The following HTR1E variants were observed in gnomAD, a reference collection of about 807,000 sequenced individuals.
HTR1E encodes 5-hydroxytryptamine receptor 1E, also known as 5-HT-1E.
A neutral mutation model predicts 3.4 loss-of-function variants in HTR1E; 3 were observed. That is an observed-to-expected ratio of 0.89 (90% CI 0.41 to 2.31). The LOEUF (loss-of-function observed/expected upper bound fraction) is 2.31, where lower values mean the gene tolerates loss of function less well. HTR1E is among the 30% of genes most tolerant of loss of function. HTR1E has a pLI of 0.05. For missense variants in HTR1E, 392 were observed against 467.0 expected (o/e 0.84, Z 1.48); for synonymous variants, 170 against 182.8 (o/e 0.93, Z 0.56).
intron 1 of HTR1E, among the ~76,000 whole-genome samples, chr6:87,005,678 G>GAATA (rs1768092765): frequency 6.6e-6 from 1 of 152,122 alleles, no homozygotes; most frequent in Non-Finnish European, 1.5e-5. Flanking sequence ...ACATTAGTCT[G>GAATA]GACAAAGATT....
chr6:87,005,548 A>G (rs1478495008), intron 1 of HTR1E, among the ~76,000 whole-genome samples: 1 of 152,214 alleles, frequency 6.6e-6, no homozygotes, highest in Non-Finnish European at 1.5e-5. Flanking sequence ...ATGCAGAAGA[A>G]TGAAATAGAC....
intron 1 of HTR1E, among the ~76,000 whole-genome samples, chr6:86,967,771 G>A (rs868711168): frequency 2.0e-5 from 3 of 152,084 alleles, no homozygotes; most frequent in African/African-American, 7.2e-5. Context: ...ATTACGAAGT[G>A]TTTTATAAAC....
chr6:86,939,228 C>T (rs1474490905), intron 1 of HTR1E, among the ~76,000 whole-genome samples: 1 of 152,178 alleles, frequency 6.6e-6, no homozygotes, highest in Non-Finnish European at 1.5e-5. Context: ...GAGCTTTAGC[C>T]TCCAGCCCAC....
chr6:87,003,054 A>G (rs1014289314), intron 1 of HTR1E, among the ~76,000 whole-genome samples: 1 of 152,210 alleles, frequency 6.6e-6, no homozygotes, highest in African/African-American at 2.4e-5. Context: ...ATCATTCTCA[A>G]GGATAGACCA....
chr6:86,976,969 C>A (rs1243967778), intron 1 of HTR1E, among the ~76,000 whole-genome samples: 1 of 152,164 alleles, frequency 6.6e-6, no homozygotes, highest in Non-Finnish European at 1.5e-5. Flanking sequence ...AATATCACTT[C>A]TTAGAACAAT....
At chr6:86,946,119 C>T (rs955286506) in intron 1 of HTR1E, among the ~76,000 whole-genome samples, 1 of 152,080 alleles carries the variant, frequency 6.6e-6, no homozygotes, top group African/African-American at 2.4e-5. Context: ...ATGGTTTTTA[C>T]AAATTAGGTA....
chr6:86,977,694 T>C (rs1044073268), intron 1 of HTR1E, among the ~76,000 whole-genome samples: 1 of 152,136 alleles, frequency 6.6e-6, no homozygotes. Context: ...GCATATGTTG[T>C]TTTTTGACTT....
intron 1 of HTR1E, among the ~76,000 whole-genome samples, chr6:86,968,376 G>A (rs984041109): frequency 2.0e-5 from 3 of 152,148 alleles, no homozygotes; most frequent in Non-Finnish European, 4.4e-5. Flanking sequence ...TTGGTAATTT[G>A]GTAGTTGCTG....
chr6:87,002,988 T>C (rs1202637562), intron 1 of HTR1E, among the ~76,000 whole-genome samples: 2 of 152,196 alleles, frequency 1.3e-5, no homozygotes, highest in African/African-American at 4.8e-5. Flanking sequence ...AATAGATATT[T>C]ACAGCACATT....
In HTR1E at chr6:86,966,386, A is replaced by G. The variant is rs140418474; in HGVS notation, c.-186+28563A>G. On this transcript the variant is annotated intron_variant, in intron 1 of 1. Transcript: ENST00000305344. ...TCCATCCAGTTATTAGCATCATCCAATGACTGAGGCACTGTGGATAATGCA... is the reference window on the plus strand; with the variant it reads ...TCCATCCAGTTATTAGCATCATCCAGTGACTGAGGCACTGTGGATAATGCA... Among the ~76,000 whole-genome samples, 621 of 152,332 alleles carry G rather than the reference A, an allele frequency of 4.1e-3. 5 individuals are homozygous for G. The highest frequency in any genetic ancestry group is 0.014 in the African/African-American group (589 of 41,592).
At chr6:86,939,233 G>C (rs1768512465) in intron 1 of HTR1E, among the ~76,000 whole-genome samples, 1 of 152,282 alleles carries the variant, frequency 6.6e-6, no homozygotes, top group African/African-American at 2.4e-5. Context: ...TTAGCCTCCA[G>C]CCCACGGAGT....
intron 1 of HTR1E, among the ~76,000 whole-genome samples, chr6:86,938,611 C>T (rs201962880): frequency 6.6e-6 from 1 of 152,182 alleles, no homozygotes; most frequent in East Asian, 1.9e-4. Context: ...TTCAACCCAA[C>T]GCTGCTTGTC....
intron 1 of HTR1E, among the ~76,000 whole-genome samples, chr6:86,991,496 C>G (rs1249092004): frequency 1.3e-5 from 2 of 152,010 alleles, no homozygotes; most frequent in African/African-American, 2.4e-5. Flanking sequence ...ATAGATGGTG[C>G]AAATGTATCT....
intron 1 of HTR1E, among the ~76,000 whole-genome samples, chr6:87,008,853 A>T (rs1345138550): frequency 6.6e-6 from 1 of 152,190 alleles, no homozygotes; most frequent in Non-Finnish European, 1.5e-5. Context: ...ATCAAGAAGT[A>T]TAACTTGACA....
At chr6:86,957,141 C>T (rs1406995218) in intron 1 of HTR1E, among the ~76,000 whole-genome samples, 2 of 152,142 alleles carry the variant, frequency 1.3e-5, no homozygotes, top group Non-Finnish European at 2.9e-5. Flanking sequence ...AAAACCTACC[C>T]AACAAAATTT....
chr6:86,986,549 G>C (rs991006665), intron 1 of HTR1E, among the ~76,000 whole-genome samples: 1 of 152,080 alleles, frequency 6.6e-6, no homozygotes, highest in African/African-American at 2.4e-5. Flanking sequence ...CTAATCAGTC[G>C]TAACTTTCTT....
At chr6:87,007,114 A>C (rs1031909136) in intron 1 of HTR1E, among the ~76,000 whole-genome samples, 5 of 152,246 alleles carry the variant, frequency 3.3e-5, no homozygotes, top group African/African-American at 1.2e-4. Flanking sequence ...AATGTAGTGC[A>C]TATGTACAAT....
intron 1 of HTR1E, among the ~76,000 whole-genome samples, chr6:86,956,733 A>T (rs1422046298): frequency 2.6e-5 from 4 of 152,184 alleles, no homozygotes; most frequent in African/African-American, 4.8e-5. Flanking sequence ...GAGAAAAAAA[A>T]TTTAAAAAAA....
At chr6:86,981,752 T>A (rs1300429837) in intron 1 of HTR1E, among the ~76,000 whole-genome samples, 2 of 152,242 alleles carry the variant, frequency 1.3e-5, no homozygotes, top group African/African-American at 4.8e-5. Flanking sequence ...TGTCCTTTGA[T>A]ATTATCTCCA....
Sources: gnomAD v4.1 joint callset for allele counts (sites outside exome capture counted in the v4.1 genomes callset) on GRCh38, gnomAD v4.1.1 for gene constraint, MANE v1.5 for transcripts, NCBI Gene and HGNC (gene_info 2026-07-23, HGNC 2026-07-21) for gene names.